Variants in PTPRC observed in about 807,000 individuals in gnomAD.
The protein encoded by PTPRC is receptor-type tyrosine-protein phosphatase C.
A neutral mutation model predicts 155.9 loss-of-function variants in PTPRC; 44 were observed. That is an observed-to-expected ratio of 0.28 (90% CI 0.22 to 0.36). PTPRC has a LOEUF of 0.36. Ranked by LOEUF, PTPRC falls within the 10% of genes least tolerant of loss-of-function variation. The pLI, the probability that PTPRC is intolerant of heterozygous loss-of-function variation, is 1.00. For missense variants in PTPRC, 1,401 were observed against 1,564.6 expected (o/e 0.90, Z 1.76); for synonymous variants, 525 against 533.1 (o/e 0.98, Z 0.21).
chr1:198,756,000 A>G lies in PTPRC; in HGVS notation c.3740A>G (p.Glu1247Gly), dbSNP rs1655632876. 1 of 1,613,280 alleles carries G rather than the reference A, an allele frequency of 6.2e-7. No individual in the cohort carries two copies. The highest frequency in any genetic ancestry group is 8.5e-7 in the Non-Finnish European group (1 of 1,179,594). ...AACAACCATCAAGAAGATAAAATTG[A>G]ATTTGATAATGAAGTGGACAAAGTA... is the stretch of plus-strand genomic sequence containing the variant. ...KKNNHQEDKI[E>G]FDNEVDKVKQ... The change falls in exon 33 of 33, where the codon GAA becomes GGA. Residue 1247 changes from glutamate (E) to glycine (G), a missense_variant. Physicochemically the swap from Glu to Gly is moderately conservative, Grantham distance 98. Transcript: ENST00000442510.
chr1:198,734,458 T>G, intron 22 of PTPRC, 33 bp downstream of exon 22: 3 of 1,593,114 alleles, frequency 1.9e-6, no homozygotes, highest in Non-Finnish European at 2.6e-6. Context: ...GTGTGGGTCT[T>G]GGGGTTAGGA....
At chr1:198,690,606 G>A (rs1390109794) in intron 2 of PTPRC, among the ~76,000 whole-genome samples, 3 of 152,014 alleles carry the variant, frequency 2.0e-5, no homozygotes, top group Non-Finnish European at 2.9e-5. Flanking sequence ...GAATAAGCCA[G>A]GGAATGTCAT....
rs74134786 is a variant in PTPRC, at chr1:198,703,410, A to G, written c.658+38A>G. On this transcript the variant is annotated intron_variant, in intron 7 of 32. Transcript: ENST00000442510. ...TCAGTCAGGCAGCCACACCATCCCCATGTGCCTGGTGATGTGCTCTCACAA... is the reference window on the plus strand; with the variant it reads ...TCAGTCAGGCAGCCACACCATCCCCGTGTGCCTGGTGATGTGCTCTCACAA... The G allele has an allele frequency of 1.8e-3, 2,959 of 1,609,084 alleles. 44 individuals carry two copies. The African/African-American group carries it at 0.034, about 19-fold the overall frequency.
At chr1:198,749,940 G>C (rs1655303107) in intron 28 of PTPRC, among the ~76,000 whole-genome samples, 1 of 151,784 alleles carries the variant, frequency 6.6e-6, no homozygotes, top group African/African-American at 2.4e-5. Context: ...CAGATAAACT[G>C]AATTATTAGG....
intron 11 of PTPRC, among the ~76,000 whole-genome samples, chr1:198,711,028 G>T (rs998910809): frequency 6.6e-6 from 1 of 152,074 alleles, no homozygotes; most frequent in African/African-American, 2.4e-5. Context: ...CTAATTTTCT[G>T]TATTTTTAGT....
At chr1:198,736,548 A>G (rs1343922207) in intron 23 of PTPRC, among the ~76,000 whole-genome samples, 3 of 151,710 alleles carry the variant, frequency 2.0e-5, no homozygotes, top group Non-Finnish European at 4.4e-5. Context: ...ATAATACTTC[A>G]TTGTATATAT....
At chr1:198,640,481 T>TTTG (rs1156711389) in intron 2 of PTPRC, among the ~76,000 whole-genome samples, 2 of 151,838 alleles carry the variant, frequency 1.3e-5, no homozygotes, top group Admixed American at 1.3e-4. Flanking sequence ...ACATAAGATT[T>TTTG]TTGTTGTTGT....
chr1:198,740,184 T>A (rs1654834927), intron 23 of PTPRC, among the ~76,000 whole-genome samples: 1 of 151,592 alleles, frequency 6.6e-6, no homozygotes, highest in Admixed American at 6.6e-5. Flanking sequence ...AACTGAACTG[T>A]AAATTAGAAG....
At chr1:198,720,613 G>A (rs1239649911) in intron 14 of PTPRC, among the ~76,000 whole-genome samples, 1 of 152,148 alleles carries the variant, frequency 6.6e-6, no homozygotes, top group East Asian at 1.9e-4. Flanking sequence ...ACAGGCGTGA[G>A]CTACTGTGCC....
At chr1:198,664,653 C>G (rs2102268017) in intron 2 of PTPRC, among the ~76,000 whole-genome samples, 1 of 152,248 alleles carries the variant, frequency 6.6e-6, no homozygotes, top group Non-Finnish European at 1.5e-5. Flanking sequence ...ATACCAGGAA[C>G]TGCTCTCCTC....
chr1:198,693,901 C>CGTG (rs1666061815), intron 3 of PTPRC: 3 of 1,247,280 alleles, frequency 2.4e-6, no homozygotes, highest in Non-Finnish European at 3.2e-6. Flanking sequence ...ATCAAAATAG[C>CGTG]GTGGTACTAT....
intron 2 of PTPRC, among the ~76,000 whole-genome samples, chr1:198,662,612 A>G (rs1038392201): frequency 6.6e-6 from 1 of 152,078 alleles, no homozygotes; most frequent in Non-Finnish European, 1.5e-5. Flanking sequence ...GAAAGGGACA[A>G]AAAAAGGGAA....
Position 198,754,411 on chromosome 1 carries a change from A to G in PTPRC, c.3645+7A>G, listed in dbSNP as rs374740399. The G allele has an allele frequency of 4.1e-5, 66 of 1,613,136 alleles. No individual in the cohort carries two copies. The highest frequency in any genetic ancestry group is 5.2e-5 in the Non-Finnish European group (61 of 1,179,586). ...AGGCATGGTTTCCACATTCGTAAGT[A>G]TCCTTCACCATTGCTTTTAACATGC... On this transcript the variant is annotated splice_region_variant and intron_variant, in intron 32 of 32. Coordinates refer to ENST00000442510, the MANE Select transcript of PTPRC (RefSeq NM_002838.5).
At chr1:198,722,208 GAGATA>G (rs909572679) in intron 14 of PTPRC, among the ~76,000 whole-genome samples, 20 of 150,434 alleles carry the variant, frequency 1.3e-4, no homozygotes, top group Admixed American at 3.3e-4. Flanking sequence ...ATTGCTAAGT[GAGATA>G]AGATATCTTT....
chr1:198,661,450 G>T (rs1191986048), intron 2 of PTPRC, among the ~76,000 whole-genome samples: 1 of 151,584 alleles, frequency 6.6e-6, no homozygotes, highest in African/African-American at 2.4e-5. Context: ...TTAAATGTCT[G>T]TCTGAATAAT....
chr1:198,723,019 A>G (rs936757619), intron 15 of PTPRC, among the ~76,000 whole-genome samples: 1 of 151,668 alleles, frequency 6.6e-6, no homozygotes, highest in Non-Finnish European at 1.5e-5. Flanking sequence ...TAATGAAAAT[A>G]ACAGCTGCAT....
At chr1:198,745,770 T>C (rs1238365542) in intron 26 of PTPRC, among the ~76,000 whole-genome samples, 3 of 151,240 alleles carry the variant, frequency 2.0e-5, no homozygotes, top group Non-Finnish European at 3.0e-5. Flanking sequence ...GGCAAACGAG[T>C]TGAGGGTGTT....
intron 2 of PTPRC, among the ~76,000 whole-genome samples, chr1:198,655,410 C>G (rs897706398): frequency 2.0e-5 from 3 of 151,986 alleles, no homozygotes; most frequent in Admixed American, 2.0e-4. Context: ...TATTTAGTGA[C>G]TTGTCCTTTG....
rs1280627697 is a variant in PTPRC, at chr1:198,698,506, T to C, written c.299-1058T>C. Among the ~76,000 whole-genome samples the C allele has an allele frequency of 2.6e-5, 4 of 152,266 alleles. No homozygotes were observed. In the East Asian group the frequency reaches 7.7e-4, roughly 29 times the overall value. On this transcript the variant is annotated intron_variant, in intron 4 of 32. Transcript: ENST00000442510. ...CAATTTTTTTCATTTACTGATATAATTGGGGGAAAATCCTTTAATCTGCAT... is the reference window on the plus strand; with the variant it reads ...CAATTTTTTTCATTTACTGATATAACTGGGGGAAAATCCTTTAATCTGCAT...
Sources: allele counts gnomAD v4.1 joint callset (sites outside exome capture counted in the v4.1 genomes callset), GRCh38; gene constraint gnomAD v4.1.1; transcripts MANE v1.5; gene names NCBI Gene and HGNC (gene_info 2026-07-23, HGNC 2026-07-21).